Variants in TPCN2 observed in about 807,000 individuals in gnomAD.
The protein encoded by TPCN2 is two pore channel protein 2.
A neutral mutation model predicts 111.4 loss-of-function variants in TPCN2; 92 were observed. That is an observed-to-expected ratio of 0.83 (90% confidence interval 0.70 to 0.98). The LOEUF is 0.98. Ranked by LOEUF, TPCN2 falls within the 50% of genes least tolerant of loss-of-function variation. The pLI is 0.00. For missense variants in TPCN2, 995 were observed against 980.1 expected, an observed-to-expected ratio of 1.02 and a Z score of -0.20; for synonymous variants, 405 against 414.5, an observed-to-expected ratio of 0.98 and a Z score of 0.28.
chr11:69,081,282 C>T (rs746288758), intron 17 of TPCN2, 118 bp from the exon 18 acceptor site: 22 of 643,716 alleles, frequency 3.4e-5, no homozygotes, highest in Non-Finnish European at 5.5e-5. Flanking sequence ...GTGGGGTGCA[C>T]TCCCGTCATG....
In TPCN2 at chr11:69,070,089, G is replaced by C. The variant is rs10750841; in HGVS notation, c.830-341G>C. On this transcript the variant is annotated intron_variant, in intron 8 of 24. Coordinates refer to ENST00000294309, the MANE Select transcript of TPCN2 (RefSeq NM_139075.4). ...ACCCAGACTGGAGTGCAGTGGTGCA[G>C]TCTCGGTTCACTGCAACCTCCACCT... Among the ~76,000 whole-genome samples the C allele has an allele frequency of 2.0e-5, 3 of 151,008 alleles. No individual in the cohort carries two copies. The Middle Eastern group carries it at 0.01, about 514-fold the overall frequency.
chr11:69,080,975 TGGG>T (rs1214663500), intron 17 of TPCN2, among the ~76,000 whole-genome samples: 1 of 151,438 alleles, frequency 6.6e-6, no homozygotes, highest in Non-Finnish European at 1.5e-5. Flanking sequence ...AGGTGGGCGA[TGGG>T]GGCAGGAACC....
intron 1 of TPCN2, among the ~76,000 whole-genome samples, chr11:69,052,307 G>A (rs1048133894): frequency 6.0e-5 from 9 of 150,454 alleles, no homozygotes; most frequent in Admixed American, 3.9e-4. Flanking sequence ...TCAGATCACC[G>A]GCCCCCCAGG....
chr11:69,062,485 G>A (rs1235269682), intron 5 of TPCN2, among the ~76,000 whole-genome samples: 2 of 152,030 alleles, frequency 1.3e-5, no homozygotes, highest in African/African-American at 2.4e-5. Flanking sequence ...GGGTGAGGAG[G>A]CGGGGATGGT....
intron 10 of TPCN2, 79 bp downstream of exon 10, chr11:69,071,499 GGTGA>G: frequency 7.5e-7 from 1 of 1,326,220 alleles, no homozygotes; most frequent in South Asian, 1.2e-5. Flanking sequence ...TGAGCAGCTG[GGTGA>G]CCCTTGCTGG....
rs114129272 is a variant in TPCN2 at position 69,054,738 on chromosome 11, C to T, written c.192C>T (p.His64=). 1.2e-3 allele frequency: 1,886 copies of T among 1,614,184 alleles called. 24 individuals are homozygous for T. The African/African-American group carries it at 0.023, about 20-fold the overall frequency. The change falls in exon 3 of 25, where the codon CAC becomes CAT. Residue 64 remains histidine (H), a synonymous_variant. Transcript: ENST00000294309. ...EDAIQYRSIN[H]RVDASSMWLY... Reference sequence around the variant, plus strand: ...GCTTGTAGTACCGCTCCATCAACCACCGGGTGGATGCCAGCTCGATGTGGC... The same window carrying T: ...GCTTGTAGTACCGCTCCATCAACCATCGGGTGGATGCCAGCTCGATGTGGC...
chr11:69,051,432 G>A (rs1861221818), intron 1 of TPCN2, among the ~76,000 whole-genome samples: 1 of 152,258 alleles, frequency 6.6e-6, no homozygotes, highest in African/African-American at 2.4e-5. Flanking sequence ...CTCCTATTGG[G>A]TGGGGGTCCA....
chr11:69,070,858 C>A (rs1228953763), intron 9 of TPCN2, among the ~76,000 whole-genome samples: 1 of 145,302 alleles, frequency 6.9e-6, no homozygotes, highest in Admixed American at 6.8e-5. Flanking sequence ...GGATCCCTCA[C>A]CAACAGCTTC....
At chr11:69,082,548 C>T (rs112478901) in intron 18 of TPCN2, among the ~76,000 whole-genome samples, 20 of 150,274 alleles carry the variant, frequency 1.3e-4, no homozygotes, top group African/African-American at 4.4e-4. Flanking sequence ...CATGTGAACT[C>T]GTGCCCGGGT....
intron 8 of TPCN2, among the ~76,000 whole-genome samples, chr11:69,069,507 C>T (rs1217034057): frequency 1.6e-4 from 1 of 6,376 alleles, no homozygotes; most frequent in East Asian, 1.5e-3. Flanking sequence ...AGGAAGTTAC[C>T]GCAGTGGGAG....
intron 1 of TPCN2, among the ~76,000 whole-genome samples, chr11:69,049,795 G>GC (rs1861138399): frequency 6.6e-6 from 1 of 152,052 alleles, no homozygotes; most frequent in Non-Finnish European, 1.5e-5. Flanking sequence ...TGCTGAATCC[G>GC]CCCCCCGAGG....
At chr11:69,051,700 G>A (rs541722971) in intron 1 of TPCN2, among the ~76,000 whole-genome samples, 1 of 152,362 alleles carries the variant, frequency 6.6e-6, no homozygotes, top group East Asian at 1.9e-4. Context: ...GTGTGGAAAG[G>A]TGATTGTCCC....
intron 5 of TPCN2, among the ~76,000 whole-genome samples, chr11:69,060,835 G>C (rs532790483): frequency 1.3e-5 from 2 of 152,254 alleles, no homozygotes; most frequent in African/African-American, 4.8e-5. Flanking sequence ...CCTAAGACCA[G>C]AGTTTCCAAC....
At position 69,055,359 on chromosome 11, in the gene TPCN2, C is replaced by T. The variant is rs764799947; in HGVS notation, c.429+7C>T. Reference sequence around the variant, plus strand: ...GGCCGACCTCTCTGTGAAGGTGAGGCGGGCGCCAGGCCCTCTACGTGCTGC... The same window carrying T: ...GGCCGACCTCTCTGTGAAGGTGAGGTGGGCGCCAGGCCCTCTACGTGCTGC... On this transcript the variant is annotated splice_region_variant and intron_variant, in intron 4 of 24. Coordinates refer to ENST00000294309, the MANE Select transcript of TPCN2 (RefSeq NM_139075.4). 47 of 1,600,128 alleles carry T rather than the reference C, an allele frequency of 2.9e-5. 1 individual carries two copies. The highest frequency in any genetic ancestry group is 1.0e-4 in the South Asian group (9 of 90,192).
At chr11:69,079,218 G>C (rs1417882424) in intron 16 of TPCN2, 198 bp downstream of exon 16, 1 of 657,816 alleles carries the variant, frequency 1.5e-6, no homozygotes, top group Non-Finnish European at 2.5e-6. Flanking sequence ...TAGGAGGCTG[G>C]GTTTCTACTG....
chr11:69,063,093 C>T (rs921760821), intron 6 of TPCN2, 103 bp downstream of exon 6: 32 of 987,176 alleles, frequency 3.2e-5, no homozygotes, highest in Middle Eastern at 2.4e-4. Flanking sequence ...TCTTGGACTG[C>T]GTGCTCCGCA....
In TPCN2 at chr11:69,057,656, G is replaced by A. The variant is rs1565080855; in HGVS notation, c.508G>A (p.Val170Met). 6.2e-7 allele frequency: 1 copy of A among 1,614,244 alleles called. No homozygotes were observed. The highest frequency in any genetic ancestry group is 8.5e-7 in the Non-Finnish European group (1 of 1,180,034). ...GYLVVLVVSL[V>M]DWTVSLSLVC... ...CCTCGTGGTGCTGGTGGTGTCTCTG[G>A]TGGACTGGACCGTGTCCCTGAGTCT... The change falls in exon 5 of 25, where the codon GTG (valine) becomes ATG (methionine). Residue 170 changes from valine to methionine, a missense_variant. Coordinates refer to ENST00000294309, the MANE Select transcript of TPCN2 (RefSeq NM_139075.4).
chr11:69,079,133 T>C, intron 16 of TPCN2, 113 bp downstream of exon 16: 2 of 1,385,852 alleles, frequency 1.4e-6, no homozygotes, highest in East Asian at 2.3e-5. Context: ...TGTAGGAAGG[T>C]GGGCTTCTGC....
chr11:69,073,496 G>A (rs961513139), intron 13 of TPCN2, among the ~76,000 whole-genome samples: 4 of 152,260 alleles, frequency 2.6e-5, no homozygotes, highest in African/African-American at 9.6e-5. Flanking sequence ...CAGCTGCTCA[G>A]CCTCAGAGGA....
Sources: allele counts gnomAD v4.1 joint callset (sites outside exome capture counted in the v4.1 genomes callset), GRCh38; gene constraint gnomAD v4.1.1; transcripts MANE v1.5; gene names NCBI Gene and HGNC (gene_info 2026-07-23, HGNC 2026-07-21).